The following FSTL5 variants were observed in gnomAD, a reference collection of about 807,000 sequenced individuals.
FSTL5 encodes the protein follistatin like 5.
In FSTL5, 62 loss-of-function variants were observed where a neutral mutation model predicts 89.1. The ratio of observed to expected loss-of-function variants is 0.70; its 90% confidence interval spans 0.57 to 0.86. The LOEUF (loss-of-function observed/expected upper bound fraction) is 0.86. Ranked by LOEUF, FSTL5 falls within the 40% of genes least tolerant of loss-of-function variation. The pLI is 0.00. For missense variants in FSTL5, 1,057 were observed against 1,001.6 expected, an observed-to-expected ratio of 1.06 and a Z score of -0.75; for synonymous variants, 383 against 346.2, an observed-to-expected ratio of 1.11 and a Z score of -1.18.
rs189958518 is a variant in FSTL5, at chr4:161,894,065, G to C, written c.409+26339C>G. Among the ~76,000 whole-genome samples the C allele has an allele frequency of 5.6e-3, 850 of 152,084 alleles. 5 individuals are homozygous for C. Among genetic ancestry groups the C allele is most frequent in the Middle Eastern group, 0.017 (5 of 294 alleles). The stretch of plus-strand genomic sequence containing the variant: ...TATAAAATGATCAAAGTTGGGGGCT[G>C]GTATACAGTTCTCATTTTAGAATTT... On this transcript the variant is annotated intron_variant, in intron 4 of 15. Transcript: ENST00000306100.
At chr4:161,951,201 C>T (rs1734884779) in intron 3 of FSTL5, among the ~76,000 whole-genome samples, 1 of 152,052 alleles carries the variant, frequency 6.6e-6, no homozygotes, top group Non-Finnish European at 1.5e-5. Flanking sequence ...CCTCCCCAGC[C>T]ATGTGGAACT....
At chr4:161,691,842 A>C (rs975612874) in intron 6 of FSTL5, among the ~76,000 whole-genome samples, 20 of 152,188 alleles carry the variant, frequency 1.3e-4, no homozygotes, top group Admixed American at 9.2e-4. Flanking sequence ...TAGAAGCACC[A>C]CTAATTTTTG....
chr4:162,036,386 A>T (rs925839869), intron 2 of FSTL5, among the ~76,000 whole-genome samples: 1 of 152,022 alleles, frequency 6.6e-6, no homozygotes, highest in Non-Finnish European at 1.5e-5. Flanking sequence ...CTCTTGAGAG[A>T]TAATAAACCT....
intron 4 of FSTL5, among the ~76,000 whole-genome samples, chr4:161,802,184 T>C (rs868317711): frequency 2.6e-5 from 4 of 151,714 alleles, no homozygotes; most frequent in Non-Finnish European, 4.4e-5. Context: ...ATCATACTTA[T>C]GTTGCTTCAG....
In FSTL5 at chr4:162,032,171, C is replaced by T. The variant is rs571121557; in HGVS notation, c.160+1454G>A. Reference sequence around the variant, plus strand: ...GTATCAAGTAGAAAGCTACACTACACTTATTTTTACTATAAGTAAAATAAG... The same window carrying T: ...GTATCAAGTAGAAAGCTACACTACATTTATTTTTACTATAAGTAAAATAAG... On this transcript the variant is annotated intron_variant, in intron 3 of 15. Coordinates refer to ENST00000306100, the MANE Select transcript of FSTL5 (RefSeq NM_020116.5). Among the ~76,000 whole-genome samples, 9 of 152,192 alleles carry T rather than the reference C, an allele frequency of 5.9e-5. No homozygotes were observed. In the South Asian group the frequency reaches 1.2e-3, roughly 21 times the overall value.
chr4:162,118,490 T>G (rs1477590534), intron 1 of FSTL5, among the ~76,000 whole-genome samples: 2 of 152,174 alleles, frequency 1.3e-5, no homozygotes, highest in African/African-American at 4.8e-5. Flanking sequence ...CTCGATCTCC[T>G]GACCTCGTGA....
At chr4:161,699,343 T>C (rs932098929) in intron 6 of FSTL5, among the ~76,000 whole-genome samples, 11 of 152,186 alleles carry the variant, frequency 7.2e-5, no homozygotes, top group African/African-American at 2.7e-4. Flanking sequence ...AATTATATAA[T>C]ATTCAACATT....
chr4:161,395,675 G>A (rs551240550), intron 15 of FSTL5, among the ~76,000 whole-genome samples: 135 of 152,182 alleles, frequency 8.9e-4, no homozygotes, highest in Admixed American at 2.2e-3. Flanking sequence ...AACTGTGGGA[G>A]ATTTTTTTCT....
At chr4:161,737,340 C>T (rs1739853935) in intron 6 of FSTL5, among the ~76,000 whole-genome samples, 1 of 151,898 alleles carries the variant, frequency 6.6e-6, no homozygotes, top group South Asian at 2.1e-4. Context: ...GAGGAATATA[C>T]ATGCAATTGT....
At chr4:162,142,059 G>C (rs950768915) in intron 1 of FSTL5, among the ~76,000 whole-genome samples, 7 of 152,128 alleles carry the variant, frequency 4.6e-5, no homozygotes, top group Non-Finnish European at 1.0e-4. Context: ...GTAGAGGTCA[G>C]AAATTCTGCC....
chr4:162,031,270 T>C (rs1040938405), intron 3 of FSTL5, among the ~76,000 whole-genome samples: 2 of 152,164 alleles, frequency 1.3e-5, no homozygotes, highest in Non-Finnish European at 2.9e-5. Flanking sequence ...GACAATGTAA[T>C]AAATGTGTTT....
chr4:161,947,131 T>G (rs979248714), intron 3 of FSTL5, among the ~76,000 whole-genome samples: 48 of 137,264 alleles, frequency 3.5e-4, no homozygotes, highest in Middle Eastern at 3.8e-3. Flanking sequence ...ATTTGTGGGG[T>G]GTGTGTGTGT....
At chr4:161,805,159 T>C (rs1242295775) in intron 4 of FSTL5, among the ~76,000 whole-genome samples, 1 of 152,120 alleles carries the variant, frequency 6.6e-6, no homozygotes, top group East Asian at 1.9e-4. Flanking sequence ...ACTTTCTTTA[T>C]ACCGAGGGCA....
intron 4 of FSTL5, among the ~76,000 whole-genome samples, chr4:161,784,895 A>AAAC (rs1741833917): frequency 7.0e-6 from 1 of 141,964 alleles, no homozygotes; most frequent in African/African-American, 2.7e-5. Flanking sequence ...TCCGTCTCAA[A>AAAC]AAAAACAAAA....
At chr4:161,776,181 T>A (rs1439566104) in intron 4 of FSTL5, 107 bp from the exon 5 acceptor site, 2 of 592,092 alleles carry the variant, frequency 3.4e-6, no homozygotes, top group Non-Finnish European at 5.2e-6. Flanking sequence ...TGTACATAAT[T>A]TTTACTTTTC....
At position 161,643,079 on chromosome 4, in the gene FSTL5, A is replaced by C. The variant is rs150983662; in HGVS notation, c.894+13249T>G. Among the ~76,000 whole-genome samples the C allele has an allele frequency of 6.4e-3, 971 of 152,334 alleles. 6 individuals are homozygous for C. The highest frequency in any genetic ancestry group is 0.014 in the Middle Eastern group (4 of 292). ...TAAATACATGAGTTAATATTTTTTT[A>C]AATGGCAATTTACAATGTTTGAAAA... On this transcript the variant is annotated intron_variant, in intron 7 of 15. Coordinates refer to ENST00000306100, the MANE Select transcript of FSTL5 (RefSeq NM_020116.5).
At chr4:161,933,565 GA>G (rs562949014) in intron 3 of FSTL5, among the ~76,000 whole-genome samples, 1,627 of 146,252 alleles carry the variant, frequency 0.011, 26 homozygotes, top group African/African-American at 0.038. Flanking sequence ...TATTTTGAGA[GA>G]AAAAAAAGCT....
At position 161,704,953 on chromosome 4, in the gene FSTL5, AT is replaced by A. The variant is rs199800552; in HGVS notation, c.728-48460del. ...TTTTTATTCCTAAAATTCAGATATGATTTATTTTTAAAACCCTGACATCTGT... is the reference window on the plus strand; with the variant it reads ...TTTTTATTCCTAAAATTCAGATATGATTATTTTTAAAACCCTGACATCTGT... On this transcript the variant is annotated intron_variant, in intron 6 of 15. Transcript: ENST00000306100. 1.1e-3 allele frequency among the ~76,000 whole-genome samples: 163 copies of A among 152,114 alleles called. 2 individuals are homozygous for A. In the East Asian group the frequency reaches 0.029, roughly 27 times the overall value.
At chr4:161,386,663 C>T in intron 15 of FSTL5, 1 of 517,588 alleles carries the variant, frequency 1.9e-6, no homozygotes, top group South Asian at 2.7e-5. Context: ...CATCATAACT[C>T]ATGCTGTAGA....
Sources: gnomAD v4.1 joint callset for allele counts (sites outside exome capture counted in the v4.1 genomes callset) on GRCh38, gnomAD v4.1.1 for gene constraint, MANE v1.5 for transcripts, NCBI Gene and HGNC (gene_info 2026-07-23, HGNC 2026-07-21) for gene names.